CNTLN: variants seen among roughly 807,000 people sequenced by gnomAD.
CNTLN encodes the protein centlein.
Under a neutral mutation model 180.0 loss-of-function variants are expected in CNTLN, and 212 were observed. The ratio of observed to expected loss-of-function variants is 1.18; its 90% CI spans 1.05 to 1.32. The LOEUF (loss-of-function observed/expected upper bound fraction) is 1.32. Ranked by LOEUF, CNTLN falls within the 40% of genes most tolerant of loss-of-function variation. The probability of loss-of-function intolerance (pLI) is 0.00; values close to 1 mark genes in which losing one functional copy is unlikely to be tolerated. For synonymous variants in CNTLN, 722 were observed against 563.1 expected, an observed-to-expected ratio of 1.28 and a Z score of -3.99; for missense variants, 2,095 against 1,610.9, an observed-to-expected ratio of 1.30 and a Z score of -5.14.
intron 5 of CNTLN, among the ~76,000 whole-genome samples, chr9:17,252,194 A>G (rs1320396114): frequency 6.6e-6 from 1 of 151,862 alleles, no homozygotes; most frequent in Non-Finnish European, 1.5e-5. Context: ...GCCACAATAA[A>G]TGTTCAATTG....
At chr9:17,270,947 CTT>C (rs78896738) in intron 5 of CNTLN, among the ~76,000 whole-genome samples, 2 of 122,140 alleles carry the variant, frequency 1.6e-5, no homozygotes. Context: ...GAGAGGAGTT[CTT>C]TTTTTTTTTT....
intron 25 of CNTLN, among the ~76,000 whole-genome samples, chr9:17,497,395 C>G (rs1019179288): frequency 6.6e-6 from 1 of 152,170 alleles, no homozygotes; most frequent in Non-Finnish European, 1.5e-5. Context: ...ACTTAAATTT[C>G]TCTTCTATCT....
At chr9:17,353,085 A>G (rs1822512086) in intron 12 of CNTLN, among the ~76,000 whole-genome samples, 1 of 152,084 alleles carries the variant, frequency 6.6e-6, no homozygotes, top group African/African-American at 2.4e-5. Context: ...CTATGAGTGG[A>G]ATCACTGGGC....
At chr9:17,295,993 AGAGAGTGTGTGTGTGT>A (rs1361975906) in intron 6 of CNTLN, among the ~76,000 whole-genome samples, 1,675 of 80,956 alleles carry the variant, frequency 0.021, 31 homozygotes, top group African/African-American at 0.11. Flanking sequence ...AGAGAGAGAG[AGAGAGTGTGTGTGTGT>A]GTGTGTGTGT....
At chr9:17,356,135 C>T (rs1822826846) in intron 12 of CNTLN, among the ~76,000 whole-genome samples, 3 of 151,138 alleles carry the variant, frequency 2.0e-5, no homozygotes, top group East Asian at 3.9e-4. Flanking sequence ...AAGTCAAGAG[C>T]AAATCAGAAT....
intron 19 of CNTLN, among the ~76,000 whole-genome samples, chr9:17,460,176 G>A (rs2134174677): frequency 6.6e-6 from 1 of 151,256 alleles, no homozygotes; most frequent in East Asian, 1.9e-4. Context: ...CTGAGACACA[G>A]AAAGAATAAG....
In CNTLN at chr9:17,494,543, C is replaced by G. The variant is rs890963712; in HGVS notation, c.4119+7477C>G. ...CTCCCACCCTCTACCGTCAAATAGG[C>G]CCCAGGGTCTGCTGTTCCCCTTCTC... On this transcript the variant is annotated intron_variant, in intron 25 of 25. Transcript: ENST00000380647. Among the ~76,000 whole-genome samples the G allele has an allele frequency of 3.3e-5, 5 of 152,142 alleles. No individual in the cohort carries two copies. The East Asian group carries it at 9.7e-4, about 29-fold the overall frequency.
At chr9:17,216,846 G>T (rs755897740) in intron 2 of CNTLN, among the ~76,000 whole-genome samples, 3 of 152,208 alleles carry the variant, frequency 2.0e-5, no homozygotes, top group African/African-American at 4.8e-5. Context: ...TGATAGTAGC[G>T]TGGCTGTTTG....
intron 18 of CNTLN, among the ~76,000 whole-genome samples, chr9:17,440,850 A>G (rs1003237443): frequency 7.9e-5 from 12 of 152,198 alleles, no homozygotes; most frequent in African/African-American, 2.7e-4. Flanking sequence ...AAGACCATAT[A>G]CAGTATGATT....
chr9:17,135,528 CGACGCTCCCTGGCA>C lies in CNTLN; in HGVS notation c.360+106_360+119del, dbSNP rs1258604034. The C allele has an allele frequency of 6.5e-6, 9 of 1,391,266 alleles. No homozygotes were observed. The Admixed American group carries it at 2.3e-4, about 36-fold the overall frequency. 86.2% of individuals were successfully genotyped at this position (1,391,266 alleles called of 1,614,324 possible). ...CTGCCTTGGGACCTACCCCGCCCAG[CGACGCTCCCTGGCA>C]GATGCACACCCTGCTTCGCTCGCGG... On this transcript the variant is annotated intron_variant, in intron 1 of 25. Coordinates refer to ENST00000380647, the MANE Select transcript of CNTLN (RefSeq NM_017738.4).
intron 20 of CNTLN, 87 bp downstream of exon 20, chr9:17,463,100 GT>G: frequency 1.4e-6 from 1 of 723,226 alleles, no homozygotes; most frequent in East Asian, 2.9e-5. Context: ...AACTGCTAAT[GT>G]TTACGTTTTC....
chr9:17,421,291 G>A (rs1828705979), intron 18 of CNTLN, among the ~76,000 whole-genome samples: 1 of 151,954 alleles, frequency 6.6e-6, no homozygotes, highest in Admixed American at 6.6e-5. Flanking sequence ...ATATCCTCTT[G>A]CTAAATTGGC....
At chr9:17,210,854 T>G (rs1823251519) in intron 2 of CNTLN, among the ~76,000 whole-genome samples, 1 of 152,240 alleles carries the variant, frequency 6.6e-6, no homozygotes, top group Non-Finnish European at 1.5e-5. Flanking sequence ...AAATGTCTTC[T>G]TTTGAGAAGT....
intron 23 of CNTLN, among the ~76,000 whole-genome samples, chr9:17,475,860 A>G (rs1022654587): frequency 7.1e-5 from 9 of 126,676 alleles, no homozygotes; most frequent in African/African-American, 1.9e-4. Flanking sequence ...GTGACAGAGC[A>G]AGACTCTCTC....
chr9:17,178,707 C>T (rs1308919872), intron 2 of CNTLN, among the ~76,000 whole-genome samples: 2 of 152,064 alleles, frequency 1.3e-5, no homozygotes, highest in Admixed American at 1.3e-4. Flanking sequence ...CACACCCACC[C>T]GGAATTCACG....
intron 7 of CNTLN, among the ~76,000 whole-genome samples, chr9:17,307,320 G>C (rs1435361594): frequency 6.6e-6 from 1 of 152,086 alleles, no homozygotes; most frequent in East Asian, 1.9e-4. Context: ...CCAGACTGGA[G>C]TGCAGTGGCA....
intron 18 of CNTLN, among the ~76,000 whole-genome samples, chr9:17,436,444 TAA>T (rs1829783127): frequency 6.6e-6 from 1 of 152,312 alleles, no homozygotes; most frequent in South Asian, 2.1e-4. Context: ...AAGCCTCAAA[TAA>T]AAGACTTTTG....
At chr9:17,376,798 C>T (rs1203981257) in intron 13 of CNTLN, among the ~76,000 whole-genome samples, 1 of 151,886 alleles carries the variant, frequency 6.6e-6, no homozygotes, top group East Asian at 1.9e-4. Context: ...GATGGGTAGA[C>T]TAATTATATA....
chr9:17,263,441 T>A lies in CNTLN; in HGVS notation c.850-10292T>A, dbSNP rs9802710. Among the ~76,000 whole-genome samples the A allele has an allele frequency of 1.3e-4, 19 of 150,636 alleles. 1 individual carries two copies. The highest frequency in any genetic ancestry group is 4.0e-4 in the African/African-American group (16 of 40,236). ...CCACATTTTCTTAATCCAGTCTGTC[T>A]TTGTTGGGCATTTGGATTGGTTCCA... On this transcript the variant is annotated intron_variant, in intron 5 of 25. Transcript: ENST00000380647.
Sources: gnomAD v4.1 joint callset for allele counts (sites outside exome capture counted in the v4.1 genomes callset) on GRCh38, gnomAD v4.1.1 for gene constraint, MANE v1.5 for transcripts, NCBI Gene and HGNC (gene_info 2026-07-23, HGNC 2026-07-21) for gene names.